The following TMPO variants were observed in gnomAD, a reference collection of about 807,000 sequenced individuals.
The protein encoded by TMPO is LEM domain containing 4.
TMPO carries 22 observed loss-of-function variants against 45.4 expected under a neutral mutation model. That is an observed-to-expected ratio of 0.48 (90% CI 0.35 to 0.69). The LOEUF (loss-of-function observed/expected upper bound fraction) is 0.69. Among genes scored for constraint, TMPO ranks in the 30% least tolerant of loss-of-function variants. TMPO has a pLI of 0.01. For missense variants in TMPO, 512 were observed against 548.8 expected (o/e 0.93, Z 0.67); for synonymous variants, 241 against 204.1 (o/e 1.18, Z -1.54).
chr12:98,537,441 CAG>C (rs780349709), intron 3 of TMPO, 32 bp from the exon 4 acceptor site: 50 of 1,507,924 alleles, frequency 3.3e-5, no homozygotes, highest in Middle Eastern at 3.4e-4. Flanking sequence ...TTGAGTGTTT[CAG>C]AGAGTAATGG....
chr12:98,531,779 C>G lies in TMPO; in HGVS notation c.506C>G (p.Ala169Gly). 6.2e-7 allele frequency: 1 copy of G among 1,613,730 alleles called. No homozygotes were observed. The highest frequency in any genetic ancestry group is 8.5e-7 in the Non-Finnish European group (1 of 1,179,832). The change falls in exon 3 of 9, where the codon GCA (alanine) becomes GGA (glycine). Residue 169 changes from alanine to glycine, a missense_variant. Physicochemically the swap from Ala to Gly is moderately conservative, Grantham distance 60. This residue lies in a region of TMPO where 299 missense variants were observed against 296.7 expected (regional missense o/e 1.01). Transcript: ENST00000556029. ...CCTCTGCCAACAATTTCTTCTTCAG[C>G]AGAAAATACAAGGCAGAATGGAAGT... ...STPLPTISSS[A>G]ENTRQNGSND...
intron 3 of TMPO, chr12:98,532,793 T>C: frequency 6.2e-7 from 1 of 1,614,092 alleles, no homozygotes. Context: ...CAGGTAATGC[T>C]TAAACTTCCT....
At chr12:98,535,207 T>G in intron 3 of TMPO, 3 of 984,400 alleles carry the variant, frequency 3.0e-6, no homozygotes, top group African/African-American at 1.7e-5. Context: ...AAAATAATAC[T>G]TTGCTTTCAT....
chr12:98,544,320 A>G lies in TMPO; in HGVS notation c.754A>G (p.Arg252Gly). 1 of 1,614,034 alleles carries G rather than the reference A, an allele frequency of 6.2e-7. No individual in the cohort carries two copies. Among genetic ancestry groups the G allele is most frequent in the Non-Finnish European group, 8.5e-7 (1 of 1,179,914 alleles). Residue 252 changes from arginine (R) to glycine (G), a missense_variant, in exon 5 of 9, where the codon AGA becomes GGA. This residue lies in a region of TMPO where 4 missense variants were observed against 17.1 expected (regional missense o/e 0.23). Coordinates refer to ENST00000556029, the MANE Select transcript of TMPO (RefSeq NM_001032283.3). Reference protein sequence around the residue: ...PLQALTRESTRGSRRTPRKRV... With the variant: ...PLQALTRESTGGSRRTPRKRV... ...GCAGGCATTAACTAGGGAATCTACA[A>G]GAGGGTCAAGAAGAACTCCAAGGAA... is the stretch of plus-strand genomic sequence containing the variant.
chr12:98,522,134 A>G (rs1407714515), intron 1 of TMPO, among the ~76,000 whole-genome samples: 3 of 152,100 alleles, frequency 2.0e-5, no homozygotes, highest in African/African-American at 7.2e-5. Context: ...CCTGGGCTCA[A>G]GCCTCTGGAA....
chr12:98,534,274 T>G, intron 3 of TMPO: 2 of 1,613,544 alleles, frequency 1.2e-6, no homozygotes, highest in Non-Finnish European at 1.7e-6. Context: ...TTCCACTCCC[T>G]TTAAAGGTGG....
At chr12:98,535,349 G>A (rs1877505801) in intron 3 of TMPO, 1 of 984,852 alleles carries the variant, frequency 1.0e-6, no homozygotes, top group Non-Finnish European at 1.2e-6. Flanking sequence ...GTATTATCAT[G>A]TTTTCATTTC....
intron 3 of TMPO, among the ~76,000 whole-genome samples, chr12:98,537,043 TTTTAA>T (rs1877619384): frequency 2.0e-5 from 3 of 152,364 alleles, no homozygotes; most frequent in Admixed American, 1.3e-4. Flanking sequence ...ATGTTCCAAA[TTTTAA>T]TTTAGTAAGT....
rs114397362 is a variant in TMPO, at chr12:98,528,083, G to A, written c.406+71G>A. On this transcript the variant is annotated intron_variant, in intron 2 of 8. Transcript: ENST00000556029. The stretch of plus-strand genomic sequence containing the variant: ...GACCCCAAATTATTTTCTCCTTTTT[G>A]TTTAGCAGTTTAGGTTCCAAGGACT... 4.3e-4 allele frequency: 674 copies of A among 1,578,756 alleles called. 5 individuals carry two copies. In the African/African-American group the frequency reaches 7.9e-3, roughly 19 times the overall value.
rs145065353 is a variant in TMPO, at chr12:98,527,525, TAAAAAA to T, written c.280-349_280-344del. ...GTGACATAGCTAGACCCTGTATCAT[TAAAAAA>T]AAAAAAAAAAAGGTTATTTAAAAGA... On this transcript the variant is annotated intron_variant, in intron 1 of 8. Coordinates refer to ENST00000556029, the MANE Select transcript of TMPO (RefSeq NM_001032283.3). 2.5e-5 allele frequency: 4 copies of T among 159,582 alleles called. No individual in the cohort carries two copies. The East Asian group carries it at 5.5e-4, about 22-fold the overall frequency. 9.9% of individuals were successfully genotyped at this position (159,582 alleles called of 1,614,324 possible).
chr12:98,546,457 T>C lies in TMPO; in HGVS notation c.1079+10T>C. The C allele has an allele frequency of 1.9e-6, 3 of 1,546,924 alleles. No homozygotes were observed. Among genetic ancestry groups the C allele is most frequent in the Non-Finnish European group, 2.7e-6 (3 of 1,118,964 alleles). ...CACCAACAGGAATTAGGTATTCAGATACATTTAAACAAGTACTAGTGTATT... is the reference window on the plus strand; with the variant it reads ...CACCAACAGGAATTAGGTATTCAGACACATTTAAACAAGTACTAGTGTATT... On this transcript the variant is annotated intron_variant, in intron 8 of 8. Coordinates refer to ENST00000556029, the MANE Select transcript of TMPO (RefSeq NM_001032283.3).
At chr12:98,521,984 C>A (rs1458037097) in intron 1 of TMPO, among the ~76,000 whole-genome samples, 1 of 152,062 alleles carries the variant, frequency 6.6e-6, no homozygotes, top group African/African-American at 2.4e-5. Context: ...CCCCCCTTAG[C>A]CTCCTAAAGT....
intron 2 of TMPO, among the ~76,000 whole-genome samples, chr12:98,529,803 C>T (rs1232222613): frequency 1.3e-5 from 2 of 152,096 alleles, no homozygotes; most frequent in Non-Finnish European, 2.9e-5. Flanking sequence ...AAGCAGTCCT[C>T]CCACTTAGGC....
At chr12:98,543,488 G>C (rs548553235) in intron 4 of TMPO, among the ~76,000 whole-genome samples, 1 of 152,314 alleles carries the variant, frequency 6.6e-6, no homozygotes, top group African/African-American at 2.4e-5. Flanking sequence ...CAGTATGTAA[G>C]AAATGCTGGA....
chr12:98,541,530 A>G (rs1228967987), intron 4 of TMPO, among the ~76,000 whole-genome samples: 1 of 152,192 alleles, frequency 6.6e-6, no homozygotes, highest in African/African-American at 2.4e-5. Context: ...TGTTAAATGC[A>G]ATTTGGGCTT....
chr12:98,520,175 G>A (rs1472681980), intron 1 of TMPO, among the ~76,000 whole-genome samples: 1 of 151,906 alleles, frequency 6.6e-6, no homozygotes, highest in Non-Finnish European at 1.5e-5. Flanking sequence ...GGCCAGGCTG[G>A]TCTCAAACTC....
intron 4 of TMPO, among the ~76,000 whole-genome samples, chr12:98,538,097 G>A (rs1877684185): frequency 6.6e-6 from 1 of 152,144 alleles, no homozygotes; most frequent in African/African-American, 2.4e-5. Flanking sequence ...AAAGGGAAAT[G>A]TAGGAAACTA....
At chr12:98,532,599 A>G (rs1877271303) in intron 3 of TMPO, among the ~76,000 whole-genome samples, 1 of 152,184 alleles carries the variant, frequency 6.6e-6, no homozygotes, top group Non-Finnish European at 1.5e-5. Context: ...ATACAACTTG[A>G]TTTTTGTAAA....
rs1877366767 is a variant in TMPO at position 98,533,666 on chromosome 12, C to CT, written c.565+1829dup. 24 of 1,614,074 alleles carry CT rather than the reference C, an allele frequency of 1.5e-5. No individual in the cohort carries two copies. The highest frequency in any genetic ancestry group is 2.7e-5 in the African/African-American group (2 of 74,924). On this transcript the variant is annotated intron_variant, in intron 3 of 8. Coordinates refer to ENST00000556029, the MANE Select transcript of TMPO (RefSeq NM_001032283.3). ...AAAACTGTTGTCTCTCATTCACTCA[C>CT]TACCTTAGGTCTAGAAGTGGCTAAG...
Sources: allele counts gnomAD v4.1 joint callset (sites outside exome capture counted in the v4.1 genomes callset), GRCh38; gene constraint gnomAD v4.1.1; regional missense constraint gnomAD v4.1.1; transcripts MANE v1.5; gene names NCBI Gene and HGNC (gene_info 2026-07-23, HGNC 2026-07-21).